ITGA2: variants seen among roughly 807,000 people sequenced by gnomAD.
ITGA2 encodes integrin subunit alpha 2.
A neutral mutation model predicts 146.3 loss-of-function variants in ITGA2; 101 were observed. The observed-to-expected ratio is 0.69, with a 90% CI of 0.59 to 0.81. ITGA2 has a LOEUF of 0.81. ITGA2 is among the 40% of genes least tolerant of loss of function. The pLI, the probability that ITGA2 is intolerant of heterozygous loss-of-function variation, is 0.00. For missense variants in ITGA2, 1,281 were observed against 1,402.7 expected, an observed-to-expected ratio of 0.91 and a Z score of 1.39; for synonymous variants, 477 against 487.1, an observed-to-expected ratio of 0.98 and a Z score of 0.27.
intron 2 of ITGA2, 68 bp downstream of exon 2, chr5:53,026,936 G>T (rs1742980800): frequency 1.4e-6 from 2 of 1,423,262 alleles, no homozygotes; most frequent in Admixed American, 3.5e-5. Context: ...GACTTCAATT[G>T]CTTTTTCAAA....
intron 6 of ITGA2, among the ~76,000 whole-genome samples, chr5:53,051,028 G>C (rs912458448): frequency 6.6e-6 from 1 of 152,096 alleles, no homozygotes. Flanking sequence ...ATAGTTGTTC[G>C]CGAGCTTCTG....
intron 1 of ITGA2, among the ~76,000 whole-genome samples, chr5:53,008,119 G>A (rs1465277660): frequency 6.6e-6 from 1 of 151,688 alleles, no homozygotes; most frequent in East Asian, 1.9e-4. Flanking sequence ...CAGACTAGGT[G>A]GCTTAAACAA....
chr5:53,002,260 A>G (rs1741620510), intron 1 of ITGA2, among the ~76,000 whole-genome samples: 3 of 152,062 alleles, frequency 2.0e-5, no homozygotes, highest in Non-Finnish European at 4.4e-5. Flanking sequence ...GCTTGTATTA[A>G]TTACTCCCTT....
chr5:53,038,219 A>AAAC (rs1743588100), intron 2 of ITGA2, among the ~76,000 whole-genome samples: 1 of 152,048 alleles, frequency 6.6e-6, no homozygotes, highest in South Asian at 2.1e-4. Context: ...AAAAAAAAAA[A>AAAC]AAACAGTTAA....
chr5:53,032,765 AT>A (rs1008633017), intron 2 of ITGA2, among the ~76,000 whole-genome samples: 1 of 152,190 alleles, frequency 6.6e-6, no homozygotes, highest in Non-Finnish European at 1.5e-5. Context: ...CTGGGCAAAG[AT>A]GATAGTTACC....
rs144430073 is a variant in ITGA2 at position 53,065,936 on chromosome 5, C to A, written c.1902C>A (p.Thr634=). 2 of 1,611,820 alleles carry A rather than the reference C, an allele frequency of 1.2e-6. No homozygotes were observed. The highest frequency in any genetic ancestry group is 1.7e-6 in the Non-Finnish European group (2 of 1,178,690). Residue 634 remains threonine, a synonymous_variant, in exon 15 of 30, where the codon ACC becomes ACA. Transcript: ENST00000296585. Reference sequence around the variant, plus strand: ...GAGATTTAAATGGGGATTCCATCACCGATGTGTCTATTGGTGCCTTTGGAC... The same window carrying A: ...GAGATTTAAATGGGGATTCCATCACAGATGTGTCTATTGGTGCCTTTGGAC... The part of the protein sequence containing the change: ...GYGDLNGDSI[T]DVSIGAFGQV...
At chr5:53,059,850 A>G (rs888424150) in intron 10 of ITGA2, 24 bp from the exon 11 acceptor site, 1 of 1,609,242 alleles carries the variant, frequency 6.2e-7, no homozygotes, top group Non-Finnish European at 8.5e-7. Context: ...TGTTTCAATG[A>G]TCTTCATTTT....
chr5:53,054,482 A>C (rs1327222832), intron 7 of ITGA2, among the ~76,000 whole-genome samples: 1 of 152,138 alleles, frequency 6.6e-6, no homozygotes, highest in Non-Finnish European at 1.5e-5. Context: ...CTAAGATTTT[A>C]TCCCATTTGA....
chr5:53,008,455 T>G (rs1741965879), intron 1 of ITGA2, among the ~76,000 whole-genome samples: 1 of 151,614 alleles, frequency 6.6e-6, no homozygotes, highest in Non-Finnish European at 1.5e-5. Context: ...AGAGACACAA[T>G]TCAGTTTGTA....
At chr5:52,991,338 G>A (rs936374424) in intron 1 of ITGA2, among the ~76,000 whole-genome samples, 1 of 152,070 alleles carries the variant, frequency 6.6e-6, no homozygotes, top group Non-Finnish European at 1.5e-5. Context: ...ACATGAATAA[G>A]TGAAATCTCT....
At chr5:53,061,186 A>G (rs1171736662) in intron 12 of ITGA2, 140 bp downstream of exon 12, 2 of 821,964 alleles carry the variant, frequency 2.4e-6, no homozygotes, top group East Asian at 2.6e-5. Context: ...TACTTAGTGT[A>G]TTCCTTAAAT....
rs558256222 is a variant in ITGA2, at chr5:53,072,688, G to C, written c.2422G>C (p.Ala808Pro). 2 of 1,607,400 alleles carry C rather than the reference G, an allele frequency of 1.2e-6. No homozygotes were observed. The highest frequency in any genetic ancestry group is 2.2e-5 in the South Asian group (2 of 90,722). The change falls in exon 19 of 30, where the codon GCT (alanine) becomes CCT (proline). Residue 808 changes from alanine (A) to proline (P), a missense_variant. Ala to Pro is a conservative substitution (Grantham distance 27). Transcript: ENST00000296585. ...AGTCCTAGATGTCCGACAAATACCAGCTGCTCAGTAAGTTTTACTTTAAAG... is the reference window on the plus strand; with the variant it reads ...AGTCCTAGATGTCCGACAAATACCACCTGCTCAGTAAGTTTTACTTTAAAG... ...DLVLDVRQIP[A>P]AQEQPFIVSN...
At chr5:53,043,557 G>T (rs1372444833) in intron 3 of ITGA2, among the ~76,000 whole-genome samples, 3 of 152,136 alleles carry the variant, frequency 2.0e-5, no homozygotes, top group Admixed American at 1.3e-4. Flanking sequence ...AAGAATTTAG[G>T]AGTGTGTCAG....
intron 12 of ITGA2, 42 bp downstream of exon 12, chr5:53,061,088 A>C (rs1053692090): frequency 8.7e-6 from 14 of 1,605,246 alleles, no homozygotes; most frequent in Admixed American, 1.7e-5. Context: ...TTTTAGGGGC[A>C]ACTGGGCAGG....
In ITGA2 at chr5:53,062,845, A is replaced by C; in HGVS notation, c.1518A>C (p.Thr506=). 6.2e-7 allele frequency: 1 copy of C among 1,611,930 alleles called. No individual in the cohort carries two copies. The highest frequency in any genetic ancestry group is 8.5e-7 in the Non-Finnish European group (1 of 1,178,544). ...TTGATGTGGATAAAGACACCATTAC[A>C]GACGTGCTCTTGGTAGGTGCACCAA... The part of the protein sequence containing the change: ...CSVDVDKDTI[T]DVLLVGAPMY... Residue 506 remains threonine, a synonymous_variant, in exon 13 of 30, where the codon ACA becomes ACC. Coordinates refer to ENST00000296585, the MANE Select transcript of ITGA2 (RefSeq NM_002203.4).
intron 2 of ITGA2, among the ~76,000 whole-genome samples, chr5:53,040,800 G>A (rs901514335): frequency 2.6e-5 from 4 of 152,024 alleles, no homozygotes; most frequent in African/African-American, 4.8e-5. Flanking sequence ...TTCCCTAAGT[G>A]TTCATGCTAT....
At chr5:53,048,998 G>A (rs1459189468) in intron 6 of ITGA2, among the ~76,000 whole-genome samples, 1 of 150,762 alleles carries the variant, frequency 6.6e-6, no homozygotes, top group African/African-American at 2.5e-5. Flanking sequence ...AAGCATTAAA[G>A]GTATGGGACA....
intron 4 of ITGA2, among the ~76,000 whole-genome samples, chr5:53,046,410 C>T (rs3212470): frequency 1.5e-3 from 235 of 151,754 alleles, no homozygotes; most frequent in African/African-American, 5.3e-3. Flanking sequence ...TTAGATATTG[C>T]TTGTGATATG....
rs1458595296 is a variant in ITGA2, at chr5:53,075,235, A to G, written c.2756A>G (p.Glu919Gly). The change falls in exon 23 of 30, where the codon GAA becomes GGA. Residue 919 changes from glutamate to glycine, a missense_variant. This residue lies in a region of ITGA2 where 475 missense variants were observed against 530.5 expected (regional missense o/e 0.90). Transcript: ENST00000296585. ...TCTTTCTATAGTGAAAGCCAAGAAGAAAACAAGGCTGATAATTTGGTCAAC... is the reference window on the plus strand; with the variant it reads ...TCTTTCTATAGTGAAAGCCAAGAAGGAAACAAGGCTGATAATTTGGTCAAC... ...SFQALSESQE[E>G]NKADNLVNLK... 4 of 1,612,572 alleles carry G rather than the reference A, an allele frequency of 2.5e-6. No homozygotes were observed. In the African/African-American group the frequency reaches 5.3e-5, roughly 22 times the overall value.
Sources: allele counts gnomAD v4.1 joint callset (sites outside exome capture counted in the v4.1 genomes callset), GRCh38; gene constraint gnomAD v4.1.1; regional missense constraint gnomAD v4.1.1; transcripts MANE v1.5; gene names NCBI Gene and HGNC (gene_info 2026-07-23, HGNC 2026-07-21).